IDO2: variants seen among roughly 807,000 people sequenced by gnomAD.
IDO2 encodes indoleamine 2,3-dioxygenase 2, also known as indoleamine 2,3-dioxygenase-like 1 protein.
Under a neutral mutation model 45.1 loss-of-function variants are expected in IDO2, and 46 were observed. The observed-to-expected ratio is 1.02, with a 90% CI of 0.80 to 1.30. IDO2 has a LOEUF of 1.30. Ranked by LOEUF, IDO2 falls within the 50% of genes most tolerant of loss-of-function variation. IDO2 has a pLI of 0.00. For synonymous variants in IDO2, 218 were observed against 184.9 expected (o/e 1.18, Z -1.45); for missense variants, 544 against 491.8 (o/e 1.11, Z -1.00).
chr8:39,950,863 C>G (rs10958576), intron 2 of IDO2, among the ~76,000 whole-genome samples: 1 of 151,942 alleles, frequency 6.6e-6, no homozygotes, highest in Admixed American at 6.6e-5. Context: ...CTAGTTCTGT[C>G]CAGACATGCC....
chr8:39,977,948 C>A (rs776741408), intron 3 of IDO2, among the ~76,000 whole-genome samples: 17 of 152,162 alleles, frequency 1.1e-4, no homozygotes, highest in Non-Finnish European at 2.2e-4. Context: ...CTTTGTGTTA[C>A]AAACAATCCA....
intron 9 of IDO2, among the ~76,000 whole-genome samples, chr8:40,010,109 A>C (rs1016632816): frequency 8.5e-5 from 13 of 152,184 alleles, no homozygotes; most frequent in African/African-American, 3.1e-4. Flanking sequence ...TTACAATGGT[A>C]AGCACAATGA....
At chr8:39,988,122 G>A (rs985820388) in intron 7 of IDO2, among the ~76,000 whole-genome samples, 152 bp downstream of exon 7, 2 of 152,178 alleles carry the variant, frequency 1.3e-5, no homozygotes, top group Non-Finnish European at 2.9e-5. Flanking sequence ...CTAAGCTCTA[G>A]GCCACCATAT....
At position 39,999,276 on chromosome 8, in the gene IDO2, C is replaced by CTTTTTTTT. The variant is rs35720120; in HGVS notation, c.668-6037_668-6030dup. On this transcript the variant is annotated intron_variant, in intron 8 of 10. Transcript: ENST00000502986. ...GGCCTTGGGCTTCATTCTGCTGCTG[C>CTTTTTTTT]TTTTTTTTTTTTTTTTTTTTTGAGA... 3.4e-4 allele frequency among the ~76,000 whole-genome samples: 27 copies of CTTTTTTTT among 78,420 alleles called. 2 individuals are homozygous for CTTTTTTTT. The highest frequency in any genetic ancestry group is 9.1e-4 in the African/African-American group (18 of 19,830). 51.4% of individuals were successfully genotyped at this position (78,420 alleles called of 152,430 possible).
chr8:39,952,541 C>G (rs1379444411), intron 2 of IDO2, among the ~76,000 whole-genome samples: 1 of 152,206 alleles, frequency 6.6e-6, no homozygotes, highest in African/African-American at 2.4e-5. Flanking sequence ...AATGTTCAAA[C>G]CTTTCCAAGC....
At position 39,949,142 on chromosome 8, in the gene IDO2, C is replaced by T; in HGVS notation, c.-17-7C>T. On this transcript the variant is annotated splice_polypyrimidine_tract_variant and splice_region_variant and intron_variant, in intron 1 of 10. Transcript: ENST00000502986. Reference sequence around the variant, plus strand: ...CAATTGATTCTTCAGTGACACTTTCCATGCAGATACTTCAAACAAAATAAT... The same window carrying T: ...CAATTGATTCTTCAGTGACACTTTCTATGCAGATACTTCAAACAAAATAAT... The T allele has an allele frequency of 6.3e-7, 1 of 1,594,066 alleles. No homozygotes were observed. Among genetic ancestry groups the T allele is most frequent in the South Asian group, 1.1e-5 (1 of 87,926 alleles).
intron 2 of IDO2, among the ~76,000 whole-genome samples, chr8:39,961,527 G>A (rs1391245780): frequency 6.6e-6 from 1 of 151,796 alleles, no homozygotes; most frequent in Non-Finnish European, 1.5e-5. Context: ...TCACCATGTT[G>A]GTCAAGCCCG....
intron 1 of IDO2, among the ~76,000 whole-genome samples, chr8:39,943,829 C>A (rs1026534390): frequency 6.6e-6 from 1 of 150,848 alleles, no homozygotes; most frequent in African/African-American, 2.4e-5. Flanking sequence ...TGGAACAAGA[C>A]AAGCACGCCA....
At chr8:39,977,093 T>TA in intron 3 of IDO2, among the ~76,000 whole-genome samples, 1 of 152,030 alleles carries the variant, frequency 6.6e-6, no homozygotes, top group Admixed American at 6.5e-5. Flanking sequence ...AACAATGAAC[T>TA]AAAAAAAATT....
At chr8:40,011,943 C>T (rs1330926417) in intron 9 of IDO2, among the ~76,000 whole-genome samples, 2 of 152,208 alleles carry the variant, frequency 1.3e-5, no homozygotes, top group African/African-American at 4.8e-5. Context: ...CCCTGCACTG[C>T]TTTCTGTACC....
intron 1 of IDO2, among the ~76,000 whole-genome samples, chr8:39,940,771 C>G (rs1476049820): frequency 6.6e-6 from 1 of 152,044 alleles, no homozygotes. Context: ...AACCACTGTT[C>G]TACTCTCTGC....
At chr8:40,015,021 T>G (rs748487430) in intron 10 of IDO2, among the ~76,000 whole-genome samples, 6 of 152,046 alleles carry the variant, frequency 3.9e-5, no homozygotes, top group Non-Finnish European at 7.4e-5. Context: ...CTGGGTGTGG[T>G]GGCGCACACC....
chr8:39,983,011 C>A lies in IDO2; in HGVS notation c.434+241C>A, dbSNP rs965641764. 3.3e-5 allele frequency among the ~76,000 whole-genome samples: 5 copies of A among 152,208 alleles called. No individual in the cohort carries two copies. The East Asian group carries it at 9.6e-4, about 29-fold the overall frequency. Reference sequence around the variant, plus strand: ...CCACATGACGTGTGAATTTCTCAACCTGACCTTCAAGCTCCTGCAAAATCA... The same window carrying A: ...CCACATGACGTGTGAATTTCTCAACATGACCTTCAAGCTCCTGCAAAATCA... On this transcript the variant is annotated intron_variant, in intron 5 of 10. Transcript: ENST00000502986.
chr8:39,956,740 T>G (rs1365432710), intron 2 of IDO2, among the ~76,000 whole-genome samples: 2 of 149,528 alleles, frequency 1.3e-5, no homozygotes, highest in Non-Finnish European at 1.5e-5. Flanking sequence ...CTACACTTTT[T>G]AAATCTAAGC....
intron 4 of IDO2, among the ~76,000 whole-genome samples, chr8:39,982,147 T>C (rs1360368004): frequency 6.6e-6 from 1 of 152,116 alleles, no homozygotes; most frequent in Non-Finnish European, 1.5e-5. Context: ...ATCTATCATC[T>C]GTCTACTGAT....
chr8:40,015,590 C>A, exon 11 of IDO2: 6 of 1,610,464 alleles, frequency 3.7e-6, no homozygotes, highest in Non-Finnish European at 5.1e-6. Context: ...CAATCCTTCA[C>A]CCACGTGGTT....
chr8:39,988,661 C>T (rs981335607), intron 7 of IDO2, among the ~76,000 whole-genome samples: 4 of 151,892 alleles, frequency 2.6e-5, no homozygotes, highest in African/African-American at 9.7e-5. Flanking sequence ...TCGTGATCTG[C>T]TTGCCTCAGC....
chr8:39,996,745 T>C (rs1400473412), intron 8 of IDO2, among the ~76,000 whole-genome samples: 5 of 152,130 alleles, frequency 3.3e-5, no homozygotes, highest in African/African-American at 4.8e-5. Context: ...GATAATAATA[T>C]AGTACTTGAA....
chr8:40,014,148 C>T (rs1802352305), intron 10 of IDO2, among the ~76,000 whole-genome samples: 1 of 152,190 alleles, frequency 6.6e-6, no homozygotes, highest in Admixed American at 6.5e-5. Flanking sequence ...AGGGATCTAT[C>T]ACCCTGGAAG....
Sources: allele counts gnomAD v4.1 joint callset (sites outside exome capture counted in the v4.1 genomes callset), GRCh38; gene constraint gnomAD v4.1.1; transcripts MANE v1.5; gene names NCBI Gene and HGNC (gene_info 2026-07-23, HGNC 2026-07-21).